The following NHERF2 variants were observed in gnomAD, a reference collection of about 807,000 sequenced individuals.
The protein encoded by NHERF2 is Na(+)/H(+) exchange regulatory cofactor NHE-RF2.
At chr16:2,034,389 G>A in the NHERF2 span, among the ~76,000 whole-genome samples, 3 of 66,052 alleles carry the variant, frequency 4.5e-5, no homozygotes, top group East Asian at 1.3e-3. Context: ...CCTTCCCTCC[G>A]TCCCAGGCCA....
At chr16:2,036,667 C>T in the NHERF2 span, 3 of 1,588,050 alleles carry the variant, frequency 1.9e-6, no homozygotes, top group Non-Finnish European at 2.6e-6. Context: ...CCACACCTGG[C>T]CACGCGGCGT....
At chr16:2,036,683 G>C in the NHERF2 span, 8 of 1,600,528 alleles carry the variant, frequency 5.0e-6, no homozygotes, top group Non-Finnish European at 6.8e-6. Context: ...GGCGTTGGGG[G>C]CTGTCTGGGC....
the NHERF2 span, chr16:2,036,405 CAT>C: frequency 6.2e-7 from 1 of 1,609,816 alleles, no homozygotes. Context: ...GTTCAACCTG[CAT>C]AGTGACAAGT....
At chr16:2,029,620 G>C in the NHERF2 span, 2 of 1,579,260 alleles carry the variant, frequency 1.3e-6, no homozygotes, top group East Asian at 4.6e-5. Flanking sequence ...GGCAGACTCG[G>C]CTGCTGGTGG....
chr16:2,035,781 C>A, the NHERF2 span: 1 of 725,872 alleles, frequency 1.4e-6, no homozygotes, highest in Non-Finnish European at 1.7e-6. Context: ...TAAGCTCCTG[C>A]CCCAGCCCCT....
At chr16:2,030,810 G>T in the NHERF2 span, among the ~76,000 whole-genome samples, 10 of 151,886 alleles carry the variant, frequency 6.6e-5, no homozygotes, top group African/African-American at 2.2e-4. Context: ...GCATGGTGGG[G>T]CACGCCTATA....
chr16:2,027,256 C>T, the NHERF2 span: 2 of 1,219,262 alleles, frequency 1.6e-6, no homozygotes, highest in African/African-American at 3.2e-5. Context: ...GCCGCCCCCT[C>T]CCCGAGCGCG....
the NHERF2 span, chr16:2,029,780 A>G: frequency 6.4e-7 from 1 of 1,551,082 alleles, no homozygotes; most frequent in Non-Finnish European, 8.7e-7. Context: ...AGCTGGCAAG[A>G]AGGTATGGCG....
the NHERF2 span, chr16:2,038,023 C>G: frequency 6.2e-7 from 1 of 1,607,812 alleles, no homozygotes; most frequent in Non-Finnish European, 8.5e-7. Context: ...GGACCCCTCC[C>G]GCACGGACCT....
At chr16:2,033,522 T>G in the NHERF2 span, 1 of 1,337,512 alleles carries the variant, frequency 7.5e-7, no homozygotes, top group Non-Finnish European at 1.0e-6. Flanking sequence ...GGGACCTTGA[T>G]GTAAGCAGGC....
the NHERF2 span, chr16:2,037,586 G>T: frequency 3.7e-6 from 6 of 1,612,654 alleles, no homozygotes; most frequent in African/African-American, 6.7e-5. Flanking sequence ...GCCTGGTTCC[G>T]ACAAGGACAC....
the NHERF2 span, chr16:2,037,443 G>C: frequency 5.3e-5 from 63 of 1,182,624 alleles, no homozygotes; most frequent in South Asian, 7.9e-4. Context: ...GAGTGGAGGA[G>C]CACACACTGG....
chr16:2,027,429 G>A, the NHERF2 span, among the ~76,000 whole-genome samples: 1 of 152,198 alleles, frequency 6.6e-6, no homozygotes. Flanking sequence ...GGAGGGGCCC[G>A]CACTGCGGCT....
At chr16:2,033,218 C>G in the NHERF2 span, 2 of 1,494,632 alleles carry the variant, frequency 1.3e-6, no homozygotes, top group Admixed American at 2.1e-5. Flanking sequence ...GACTCAGCCC[C>G]CACGTCCCCA....
chr16:2,027,014 G>A, the NHERF2 span: 6 of 1,174,302 alleles, frequency 5.1e-6, no homozygotes, highest in Non-Finnish European at 6.3e-6. Flanking sequence ...CCATGGCCGC[G>A]CCGGAGCCGC....
chr16:2,030,585 C>G, the NHERF2 span, among the ~76,000 whole-genome samples: 1 of 151,730 alleles, frequency 6.6e-6, no homozygotes, highest in Non-Finnish European at 1.5e-5. Flanking sequence ...TTCCTGGAGG[C>G]CCTGATGGCA....
chr16:2,033,383 C>T, the NHERF2 span: 4 of 1,533,326 alleles, frequency 2.6e-6, no homozygotes, highest in South Asian at 4.8e-5. Context: ...ACGCCACCTG[C>T]CCGGGCTCCG....
the NHERF2 span, chr16:2,036,268 G>C: frequency 6.6e-7 from 1 of 1,514,912 alleles, no homozygotes; most frequent in Non-Finnish European, 8.9e-7. Context: ...CCGGGGAGTG[G>C]CCTCTGGAGG....
chr16:2,031,342 C>G, the NHERF2 span, among the ~76,000 whole-genome samples: 2 of 152,294 alleles, frequency 1.3e-5, no homozygotes, highest in African/African-American at 4.8e-5. Flanking sequence ...GCCCCTGTCT[C>G]CAGGCTGAGG....
Sources: allele counts gnomAD v4.1 joint callset (sites outside exome capture counted in the v4.1 genomes callset), GRCh38; gene constraint gnomAD v4.1.1; transcripts MANE v1.5; gene names NCBI Gene and HGNC (gene_info 2026-07-23, HGNC 2026-07-21).